Variants in WWOX observed in about 807,000 individuals in gnomAD.
WWOX encodes WW domain containing oxidoreductase, also known as WW domain-containing oxidoreductase.
WWOX carries 69 observed loss-of-function variants against 46.2 expected under a neutral mutation model. That is an observed-to-expected ratio of 1.49 (90% CI 1.23 to 1.82). The LOEUF (loss-of-function observed/expected upper bound fraction) is 1.82. Ranked by LOEUF, WWOX falls within the 40% of genes most tolerant of loss-of-function variation. The probability of loss-of-function intolerance (pLI) is 0.00; values close to 1 mark genes in which losing one functional copy is unlikely to be tolerated. For synonymous variants in WWOX, 359 were observed against 202.6 expected (o/e 1.77, Z -6.56); for missense variants, 919 against 542.6 (o/e 1.69, Z -6.89).
intron 5 of WWOX, among the ~76,000 whole-genome samples, chr16:78,373,634 AT>A (rs201378338): frequency 1.7e-3 from 248 of 146,352 alleles, no homozygotes; most frequent in African/African-American, 3.3e-3. Context: ...GCATAGAACT[AT>A]TTTTTTTTTT....
At chr16:79,175,450 G>C (rs377302255) in intron 8 of WWOX, among the ~76,000 whole-genome samples, 3 of 152,238 alleles carry the variant, frequency 2.0e-5, no homozygotes, top group South Asian at 2.1e-4. Context: ...GCTCTGGTCA[G>C]TCTGACTCTC....
At chr16:79,033,886 C>T (rs538142507) in intron 8 of WWOX, among the ~76,000 whole-genome samples, 1 of 152,212 alleles carries the variant, frequency 6.6e-6, no homozygotes, top group South Asian at 2.1e-4. Context: ...TTAGGACTGT[C>T]TGTCGCACCA....
chr16:79,189,501 G>C (rs912362214), intron 8 of WWOX, among the ~76,000 whole-genome samples: 2 of 151,336 alleles, frequency 1.3e-5, no homozygotes, highest in East Asian at 2.0e-4. Context: ...GGGTCTCACT[G>C]TGTTGGCCAG....
rs141900960 is a variant in WWOX at position 78,601,979 on chromosome 16, A to G, written c.1056+169227A>G. ...GTAATAGTGCAGTGTCTGTCTAACA[A>G]TAAATTATAGAGTCAGGCAAACAAT... On this transcript the variant is annotated intron_variant, in intron 8 of 8. Coordinates refer to ENST00000566780, the MANE Select transcript of WWOX (RefSeq NM_016373.4). Among the ~76,000 whole-genome samples, 18 of 152,314 alleles carry G rather than the reference A, an allele frequency of 1.2e-4. No homozygotes were observed. The East Asian group carries it at 1.7e-3, about 15-fold the overall frequency.
intron 5 of WWOX, among the ~76,000 whole-genome samples, chr16:78,279,712 G>C (rs1840758171): frequency 6.6e-6 from 1 of 152,158 alleles, no homozygotes; most frequent in Non-Finnish European, 1.5e-5. Context: ...GTAGTAGATT[G>C]GTAATAGTAA....
Position 79,024,824 on chromosome 16 carries a change from C to T in WWOX, c.1057-186784C>T, listed in dbSNP as rs114073904. On this transcript the variant is annotated intron_variant, in intron 8 of 8. Transcript: ENST00000566780. The stretch of plus-strand genomic sequence containing the variant: ...TGGCCTCAAGCAATCCTCTCCTCTG[C>T]CTCAGAAAGTGCTGGGATTACAGGC... Among the ~76,000 whole-genome samples, 167 of 152,282 alleles carry T rather than the reference C, an allele frequency of 1.1e-3. 1 individual carries two copies. The highest frequency in any genetic ancestry group is 3.6e-3 in the African/African-American group (151 of 41,560).
chr16:78,421,593 A>G (rs1567562518), intron 6 of WWOX, among the ~76,000 whole-genome samples: 1 of 152,198 alleles, frequency 6.6e-6, no homozygotes. Context: ...GGGAGGTACC[A>G]TTCAACTCAC....
intron 8 of WWOX, among the ~76,000 whole-genome samples, chr16:78,800,887 T>C (rs2050868417): frequency 6.6e-6 from 1 of 152,136 alleles, no homozygotes; most frequent in African/African-American, 2.4e-5. Context: ...TTTAGAAAGC[T>C]TTTGCAAGGC....
At chr16:78,227,667 T>G (rs1420652320) in intron 5 of WWOX, among the ~76,000 whole-genome samples, 1 of 151,944 alleles carries the variant, frequency 6.6e-6, no homozygotes, top group Non-Finnish European at 1.5e-5. Flanking sequence ...ACTTGAGGCC[T>G]GGAGTTTGAG....
intron 8 of WWOX, among the ~76,000 whole-genome samples, chr16:78,935,967 A>T (rs946744568): frequency 2.6e-5 from 4 of 152,132 alleles, no homozygotes; most frequent in Non-Finnish European, 5.9e-5. Flanking sequence ...CCAAAAAAAA[A>T]GTTGGAAGGG....
chr16:78,743,530 G>A (rs543955563), intron 8 of WWOX, among the ~76,000 whole-genome samples: 9 of 152,190 alleles, frequency 5.9e-5, no homozygotes, highest in African/African-American at 2.2e-4. Context: ...GCTGATTCAC[G>A]TTGACTTTGT....
intron 8 of WWOX, among the ~76,000 whole-genome samples, chr16:79,017,660 G>C (rs913071928): frequency 1.3e-5 from 2 of 151,744 alleles, no homozygotes; most frequent in Non-Finnish European, 2.9e-5. Flanking sequence ...TTTATTTATA[G>C]ACACTGAAAT....
At chr16:78,948,899 G>A (rs1450259130) in intron 8 of WWOX, among the ~76,000 whole-genome samples, 3 of 152,148 alleles carry the variant, frequency 2.0e-5, no homozygotes, top group Non-Finnish European at 4.4e-5. Context: ...GGGGAAGGTG[G>A]ACAAGAGAAT....
At chr16:78,396,855 G>C (rs752102403) in intron 6 of WWOX, among the ~76,000 whole-genome samples, 4 of 152,158 alleles carry the variant, frequency 2.6e-5, no homozygotes, top group African/African-American at 4.8e-5. Context: ...ACTGGGTGTG[G>C]CTGTGTCCTA....
At chr16:78,760,797 A>ATT (rs2049773281) in intron 8 of WWOX, among the ~76,000 whole-genome samples, 1 of 152,202 alleles carries the variant, frequency 6.6e-6, no homozygotes, top group Non-Finnish European at 1.5e-5. Context: ...CTGCTGATAA[A>ATT]GACATACCCA....
chr16:79,198,453 A>T (rs1314925543), intron 8 of WWOX, among the ~76,000 whole-genome samples: 1 of 152,222 alleles, frequency 6.6e-6, no homozygotes, highest in Non-Finnish European at 1.5e-5. Flanking sequence ...CACTGGTTTG[A>T]GTTATTATTT....
intron 1 of WWOX, among the ~76,000 whole-genome samples, chr16:78,108,158 C>A (rs1033615052): frequency 6.6e-6 from 1 of 151,284 alleles, no homozygotes; most frequent in Non-Finnish European, 1.5e-5. Context: ...CATCTCCTGA[C>A]CTTGTGATCT....
chr16:78,436,231 T>C (rs1317927681), intron 8 of WWOX, among the ~76,000 whole-genome samples: 1 of 152,024 alleles, frequency 6.6e-6, no homozygotes, highest in South Asian at 2.1e-4. Context: ...AGTCTGCAAA[T>C]TGGGAGTCTG....
At chr16:78,909,643 C>A (rs1170855685) in intron 8 of WWOX, among the ~76,000 whole-genome samples, 1 of 152,188 alleles carries the variant, frequency 6.6e-6, no homozygotes, top group South Asian at 2.1e-4. Context: ...TTTCAGAAAT[C>A]TTTCATTCCC....
Sources: gnomAD v4.1 joint callset for allele counts (sites outside exome capture counted in the v4.1 genomes callset) on GRCh38, gnomAD v4.1.1 for gene constraint, MANE v1.5 for transcripts, NCBI Gene and HGNC (gene_info 2026-07-23, HGNC 2026-07-21) for gene names.